Variants in DGKB observed in about 807,000 individuals in gnomAD.
DGKB encodes diacylglycerol kinase beta.
DGKB carries 67 observed loss-of-function variants against 114.3 expected under a neutral mutation model. The observed-to-expected ratio is 0.59, with a 90% confidence interval of 0.48 to 0.72. DGKB has a LOEUF of 0.72. DGKB is among the 30% of genes least tolerant of loss of function. The pLI is 0.00. For synonymous variants in DGKB, 398 were observed against 323.1 expected, an observed-to-expected ratio of 1.23 and a Z score of -2.49; for missense variants, 907 against 975.2, an observed-to-expected ratio of 0.93 and a Z score of 0.93.
At chr7:14,182,697 A>G (rs1782817838) in intron 23 of DGKB, among the ~76,000 whole-genome samples, 1 of 152,200 alleles carries the variant, frequency 6.6e-6, no homozygotes, top group Non-Finnish European at 1.5e-5. Context: ...AGGGGCACAT[A>G]TAGATTAGAG....
At chr7:14,928,887 C>T (rs1784869926) in intron 1 of DGKB, among the ~76,000 whole-genome samples, 1 of 151,904 alleles carries the variant, frequency 6.6e-6, no homozygotes, top group South Asian at 2.1e-4. Flanking sequence ...TCCATCTGTA[C>T]ATATTATCTA....
At chr7:14,553,951 C>A (rs917156572) in intron 20 of DGKB, among the ~76,000 whole-genome samples, 61 of 143,622 alleles carry the variant, frequency 4.2e-4, no homozygotes, top group Non-Finnish European at 7.6e-4. Flanking sequence ...CGGCTCACTG[C>A]AAGCTCCGCC....
chr7:14,437,334 A>G (rs1238303357), intron 21 of DGKB, among the ~76,000 whole-genome samples: 2 of 152,146 alleles, frequency 1.3e-5, no homozygotes, highest in Non-Finnish European at 2.9e-5. Context: ...CAGAATTAAC[A>G]TTAAATCTCT....
At chr7:14,658,442 A>G (rs1816306852) in intron 13 of DGKB, among the ~76,000 whole-genome samples, 1 of 151,882 alleles carries the variant, frequency 6.6e-6, no homozygotes, top group African/African-American at 2.4e-5. Context: ...GAGTAGGGGG[A>G]TAAAGAGAGG....
chr7:14,456,341 T>G (rs1832282013), intron 21 of DGKB, among the ~76,000 whole-genome samples: 1 of 152,076 alleles, frequency 6.6e-6, no homozygotes, highest in African/African-American at 2.4e-5. Flanking sequence ...TTTTAGGCAC[T>G]CAGATGTAGA....
At chr7:14,547,994 T>C (rs112345667) in intron 20 of DGKB, among the ~76,000 whole-genome samples, 55 of 152,202 alleles carry the variant, frequency 3.6e-4, no homozygotes, top group African/African-American at 1.3e-3. Context: ...TTTTCTATAA[T>C]TGTTAGAAGT....
intron 20 of DGKB, among the ~76,000 whole-genome samples, chr7:14,523,331 A>G (rs1584555012): frequency 6.6e-6 from 1 of 152,144 alleles, no homozygotes; most frequent in Non-Finnish European, 1.5e-5. Context: ...TTGTTCATGA[A>G]AGCTGTTTCA....
At chr7:14,170,494 C>T (rs1196799047) in intron 25 of DGKB, among the ~76,000 whole-genome samples, 1 of 152,138 alleles carries the variant, frequency 6.6e-6, no homozygotes, top group Non-Finnish European at 1.5e-5. Context: ...ACCAGGGTTT[C>T]CTCCAAATAT....
Position 14,706,063 on chromosome 7 carries a change from G to A in DGKB, c.467-4333C>T, listed in dbSNP as rs1472866688. 2.0e-5 allele frequency among the ~76,000 whole-genome samples: 3 copies of A among 149,386 alleles called. No homozygotes were observed. The South Asian group carries it at 6.6e-4, about 33-fold the overall frequency. ...AAGACCCATCAGTGTGCTGTATTCA[G>A]GAAACCCATCTCACGTGCAGAGACA... On this transcript the variant is annotated intron_variant, in intron 6 of 25. Coordinates refer to ENST00000402815, the MANE Select transcript of DGKB (RefSeq NM_001350709.2).
intron 2 of DGKB, among the ~76,000 whole-genome samples, chr7:14,764,091 T>C (rs1836108919): frequency 6.6e-6 from 1 of 151,960 alleles, no homozygotes; most frequent in Non-Finnish European, 1.5e-5. Context: ...TAGAAGACTT[T>C]TCCTGTGCTC....
At chr7:14,886,332 T>C (rs1031865664) in intron 1 of DGKB, among the ~76,000 whole-genome samples, 3 of 151,856 alleles carry the variant, frequency 2.0e-5, no homozygotes, top group Admixed American at 2.0e-4. Context: ...TTTGATACTA[T>C]TCTTGAGGTG....
intron 25 of DGKB, among the ~76,000 whole-genome samples, chr7:14,170,687 A>G (rs574322740): frequency 6.6e-6 from 1 of 152,306 alleles, no homozygotes; most frequent in Non-Finnish European, 1.5e-5. Context: ...GATCATTTTA[A>G]TGATTTGAAA....
At chr7:14,574,519 A>T in intron 19 of DGKB, 147 bp from the exon 20 acceptor site, 1 of 655,176 alleles carries the variant, frequency 1.5e-6, no homozygotes, top group Non-Finnish European at 2.6e-6. Flanking sequence ...TGAAGAATTA[A>T]TTATAAGATT....
intron 23 of DGKB, among the ~76,000 whole-genome samples, chr7:14,220,935 T>C (rs35652218): frequency 0.21 from 32,287 of 151,142 alleles, 3,736 homozygotes; most frequent in Middle Eastern, 0.32. Context: ...TTTCTGAGGC[T>C]ATAATAAAAT....
intron 20 of DGKB, among the ~76,000 whole-genome samples, chr7:14,536,964 A>G (rs1201274006): frequency 6.6e-6 from 1 of 152,196 alleles, no homozygotes; most frequent in Middle Eastern, 3.2e-3. Context: ...ATCAAAATGA[A>G]TCAAGTTACA....
chr7:14,964,492 G>T (rs760325548), intron 1 of DGKB, among the ~76,000 whole-genome samples: 1 of 152,088 alleles, frequency 6.6e-6, no homozygotes, highest in Non-Finnish European at 1.5e-5. Context: ...AGAGCTAGAC[G>T]TTGTCTCAAA....
At chr7:14,787,180 A>T (rs1840025035) in intron 2 of DGKB, among the ~76,000 whole-genome samples, 1 of 152,202 alleles carries the variant, frequency 6.6e-6, no homozygotes, top group Non-Finnish European at 1.5e-5. Context: ...AGAACTCAGG[A>T]CCAGCTTAAG....
Position 14,502,827 on chromosome 7 carries a change from T to A in DGKB, c.1771-24602A>T, listed in dbSNP as rs75359997. Reference sequence around the variant, plus strand: ...GTATGCACTGATCATTCAAATCCCATCACAATTTCTATCTCCTTTGAAATA... The same window carrying A: ...GTATGCACTGATCATTCAAATCCCAACACAATTTCTATCTCCTTTGAAATA... On this transcript the variant is annotated intron_variant, in intron 20 of 25. Transcript: ENST00000402815. Among the ~76,000 whole-genome samples, 590 of 152,230 alleles carry A rather than the reference T, an allele frequency of 3.9e-3. 4 individuals are homozygous for A. Among genetic ancestry groups the A allele is most frequent in the African/African-American group, 0.014 (573 of 41,564 alleles).
intron 25 of DGKB, among the ~76,000 whole-genome samples, chr7:14,164,452 G>T (rs893521752): frequency 2.0e-5 from 3 of 152,310 alleles, no homozygotes; most frequent in Middle Eastern, 3.4e-3. Context: ...TAAAGTTAAA[G>T]AATTTAATGC....
Sources: allele counts gnomAD v4.1 joint callset (sites outside exome capture counted in the v4.1 genomes callset), GRCh38; gene constraint gnomAD v4.1.1; transcripts MANE v1.5; gene names NCBI Gene and HGNC (gene_info 2026-07-23, HGNC 2026-07-21).